Variants in RYR3 observed in about 807,000 individuals in gnomAD.
RYR3 encodes the protein brain ryanodine receptor-calcium release channel.
In RYR3, 207 loss-of-function variants were observed where a neutral mutation model predicts 584.3. That is an observed-to-expected ratio of 0.35 (90% CI 0.32 to 0.40). RYR3 has a LOEUF of 0.40. RYR3 is among the 10% of genes least tolerant of loss of function. The pLI is 1.00. For synonymous variants in RYR3, 2,416 were observed against 2,248.5 expected (o/e 1.07, Z -2.11); for missense variants, 5,616 against 6,089.2 (o/e 0.92, Z 2.59).
At chr15:33,611,781 C>A (rs28733013) in intron 18 of RYR3, among the ~76,000 whole-genome samples, 1 of 151,666 alleles carries the variant, frequency 6.6e-6, no homozygotes, top group East Asian at 2.0e-4. Flanking sequence ...ACCTCAGCCC[C>A]CTAAGTAGCT....
chr15:33,635,625 G>T lies in RYR3; in HGVS notation c.3187G>T (p.Val1063Leu), dbSNP rs772304705. Residue 1063 changes from valine (V) to leucine (L), a missense_variant, in exon 26 of 104, where the codon GTG becomes TTG. This residue lies in a region of RYR3 where 1,284 missense variants were observed against 1,344.6 expected (regional missense o/e 0.95). Transcript: ENST00000634891. ...TCTTCTCACAATAGCTGACTCGGCT[G>T]TGGAGAAGGTCAGCATAGACAAGAT... ...PSDQELADSA[V>L]EKVSIDKIRF... The T allele has an allele frequency of 7.4e-6, 12 of 1,613,500 alleles. No homozygotes were observed. The Admixed American group carries it at 2.0e-4, about 27-fold the overall frequency.
chr15:33,836,567 G>A (rs1020104157), intron 87 of RYR3, among the ~76,000 whole-genome samples: 1 of 152,184 alleles, frequency 6.6e-6, no homozygotes. Context: ...TAATTCTCCA[G>A]TGTAGATAAT....
intron 27 of RYR3, among the ~76,000 whole-genome samples, chr15:33,639,381 A>G (rs1044233870): frequency 6.6e-6 from 1 of 152,184 alleles, no homozygotes; most frequent in African/African-American, 2.4e-5. Flanking sequence ...GTGGAAGGGT[A>G]GTTATAAGGA....
chr15:33,772,614 T>C (rs2073662761), intron 63 of RYR3, among the ~76,000 whole-genome samples: 1 of 152,192 alleles, frequency 6.6e-6, no homozygotes, highest in Admixed American at 6.5e-5. Context: ...CAAAGTTGGT[T>C]GGTTTTATTT....
At chr15:33,476,545 T>C (rs1308255587) in intron 2 of RYR3, among the ~76,000 whole-genome samples, 3 of 152,242 alleles carry the variant, frequency 2.0e-5, no homozygotes, top group Non-Finnish European at 4.4e-5. Context: ...ACATTCTCTG[T>C]TTTGGGTTTT....
chr15:33,625,242 G>A (rs1364834112), intron 20 of RYR3, among the ~76,000 whole-genome samples: 1 of 152,150 alleles, frequency 6.6e-6, no homozygotes, highest in East Asian at 1.9e-4. Context: ...CAGCAAGGGG[G>A]GAAGGCTGCC....
At chr15:33,708,470 G>A (rs1215370791) in intron 43 of RYR3, among the ~76,000 whole-genome samples, 2 of 152,098 alleles carry the variant, frequency 1.3e-5, no homozygotes, top group African/African-American at 2.4e-5. Context: ...TTGCTTTTGT[G>A]GGTTAGGTAC....
chr15:33,708,049 CTCTCTCTGCT>C (rs1029419688), intron 43 of RYR3, among the ~76,000 whole-genome samples: 4 of 152,278 alleles, frequency 2.6e-5, no homozygotes, highest in Non-Finnish European at 5.9e-5. Flanking sequence ...TCCTAATCAA[CTCTCTCTGCT>C]TCTCTCTGCG....
chr15:33,636,049 T>G (rs1290199310), intron 26 of RYR3, among the ~76,000 whole-genome samples: 1 of 152,152 alleles, frequency 6.6e-6, no homozygotes, highest in Non-Finnish European at 1.5e-5. Flanking sequence ...TCATATCTAC[T>G]TTTGCACCCA....
rs138524375 is a variant in RYR3, at chr15:33,657,002, ATAAGAG to A, written c.4309-2714_4309-2709del. 4.0e-3 allele frequency among the ~76,000 whole-genome samples: 613 copies of A among 152,318 alleles called. 5 individuals are homozygous for A. The highest frequency in any genetic ancestry group is 0.014 in the African/African-American group (580 of 41,570). Reference sequence around the variant, plus strand: ...TTTTGCCGTGCAACATAGCATGATCATAAGAGTAACACCAGGGGTCCCAGAGGGCCT... The same window carrying A: ...TTTTGCCGTGCAACATAGCATGATCATAACACCAGGGGTCCCAGAGGGCCT... On this transcript the variant is annotated intron_variant, in intron 32 of 103. Transcript: ENST00000634891.
At chr15:33,614,641 T>C (rs11858539) in intron 19 of RYR3, among the ~76,000 whole-genome samples, 4,690 of 152,230 alleles carry the variant, frequency 0.031, 212 homozygotes, top group African/African-American at 0.1. Flanking sequence ...TTGGTAGATA[T>C]CTTACATATT....
At position 33,503,860 on chromosome 15, in the gene RYR3, G is replaced by C. The variant is rs919718850; in HGVS notation, c.279+122G>C. On this transcript the variant is annotated intron_variant, in intron 3 of 103. Coordinates refer to ENST00000634891, the MANE Select transcript of RYR3 (RefSeq NM_001036.6). ...AGACTGTTGAGATGATTCATATGGA[G>C]ATAGTAAATCTTTCTCCCTGAGTTG... 11 of 643,436 alleles carry C rather than the reference G, an allele frequency of 1.7e-5. No individual in the cohort carries two copies. The African/African-American group carries it at 1.8e-4, about 11-fold the overall frequency. The allele number at this position is 643,436 out of a possible 1,614,324, so 39.9% of individuals were successfully genotyped here.
In RYR3 at chr15:33,821,591, G is replaced by A; in HGVS notation, c.10984G>A (p.Gly3662Ser). 1 of 1,613,962 alleles carries A rather than the reference G, an allele frequency of 6.2e-7. No individual in the cohort carries two copies. Among genetic ancestry groups the A allele is most frequent in the Non-Finnish European group, 8.5e-7 (1 of 1,179,876 alleles). ...CGCCATTCTGAACGGAGGCAATGCT[G>A]GTGTGCAACAGGTAACGGGAACTTG... is the stretch of plus-strand genomic sequence containing the variant. Reference protein sequence around the residue: ...GIAILNGGNAGVQQKMLDYLK... With the variant: ...GIAILNGGNASVQQKMLDYLK... Residue 3662 changes from glycine to serine, a missense_variant, in exon 80 of 104, where the codon GGT becomes AGT. Physicochemically the swap from Gly to Ser is moderately conservative, Grantham distance 56 (BLOSUM62 0). Around this residue, in one of 9 missense-constraint regions of RYR3, gnomAD observed 954 missense variants for 1,132.2 expected, o/e 0.84. Coordinates refer to ENST00000634891, the MANE Select transcript of RYR3 (RefSeq NM_001036.6).
At chr15:33,589,344 A>C (rs1222888388) in intron 16 of RYR3, among the ~76,000 whole-genome samples, 1 of 152,170 alleles carries the variant, frequency 6.6e-6, no homozygotes, top group Non-Finnish European at 1.5e-5. Context: ...AGTTCCCTGT[A>C]AATTCTGGGT....
At chr15:33,767,595 A>G (rs2073202748) in intron 60 of RYR3, among the ~76,000 whole-genome samples, 1 of 152,150 alleles carries the variant, frequency 6.6e-6, no homozygotes, top group South Asian at 2.1e-4. Flanking sequence ...TCCCCATTTG[A>G]GTTGTCCTAT....
chr15:33,746,643 A>G (rs1230155923), intron 53 of RYR3, among the ~76,000 whole-genome samples: 1 of 151,924 alleles, frequency 6.6e-6, no homozygotes, highest in Non-Finnish European at 1.5e-5. Context: ...TACTGAAAAT[A>G]CAAAGATTAG....
intron 23 of RYR3, 69 bp from the exon 24 acceptor site, chr15:33,632,880 G>T: frequency 2.9e-6 from 4 of 1,379,708 alleles, no homozygotes; most frequent in South Asian, 2.6e-5. Flanking sequence ...ATGTGCTCTT[G>T]GTCTAAAATC....
At chr15:33,398,021 C>A (rs1333560080) in intron 1 of RYR3, among the ~76,000 whole-genome samples, 1 of 152,094 alleles carries the variant, frequency 6.6e-6, no homozygotes, top group African/African-American at 2.4e-5. Flanking sequence ...TATCACAAGC[C>A]TGGTATGCCA....
Position 33,728,966 on chromosome 15 carries a change from G to T in RYR3, c.7143G>T (p.Leu2381=). ...ATGGCATTAAGGATCAAACTTTTCT[G>T]CTCCACTTGCTGGAGGTTGGATTTT... The part of the protein sequence containing the change: ...RVYGIKDQTF[L]LHLLEVGFLP... The change falls in exon 47 of 104, where the codon CTG becomes CTT. Residue 2381 remains leucine, a synonymous_variant. Transcript: ENST00000634891. The T allele has an allele frequency of 6.2e-7, 1 of 1,613,926 alleles. No individual in the cohort carries two copies. Among genetic ancestry groups the T allele is most frequent in the Non-Finnish European group, 8.5e-7 (1 of 1,179,864 alleles).
Sources: allele counts gnomAD v4.1 joint callset (sites outside exome capture counted in the v4.1 genomes callset), GRCh38; gene constraint gnomAD v4.1.1; regional missense constraint gnomAD v4.1.1; transcripts MANE v1.5; gene names NCBI Gene and HGNC (gene_info 2026-07-23, HGNC 2026-07-21).